Variants in DYM observed in about 807,000 individuals in gnomAD.
DYM encodes the protein dyggve-Melchior-Clausen syndrome protein.
In DYM, 78 loss-of-function variants were observed where a neutral mutation model predicts 93.1. That is an observed-to-expected ratio of 0.84 (90% CI 0.70 to 1.01). The LOEUF is 1.01. Ranked by LOEUF, DYM falls within the 50% of genes least tolerant of loss-of-function variation. DYM has a pLI of 0.00. For synonymous variants in DYM, 321 were observed against 319.7 expected, an observed-to-expected ratio of 1.00 and a Z score of -0.04; for missense variants, 789 against 845.0, an observed-to-expected ratio of 0.93 and a Z score of 0.82.
chr18:49,112,069 C>T (rs1274509164), intron 16 of DYM, among the ~76,000 whole-genome samples: 1 of 152,098 alleles, frequency 6.6e-6, no homozygotes, highest in East Asian at 1.9e-4. Flanking sequence ...GGGTCTCTAC[C>T]TATGCCCCGA....
chr18:49,046,084 GCA>G (rs76239241), intron 17 of DYM, among the ~76,000 whole-genome samples: 11 of 149,774 alleles, frequency 7.3e-5, no homozygotes, highest in African/African-American at 9.8e-5. Context: ...CTGCATGCGC[GCA>G]CACACACACA....
chr18:49,137,422 T>C (rs2083967450), intron 15 of DYM, among the ~76,000 whole-genome samples: 1 of 152,204 alleles, frequency 6.6e-6, no homozygotes, highest in South Asian at 2.1e-4. Context: ...TTTCTTTTCT[T>C]TTGTTAAGTA....
intron 6 of DYM, among the ~76,000 whole-genome samples, chr18:49,356,391 A>G (rs2065566080): frequency 1.3e-5 from 2 of 152,198 alleles, no homozygotes; most frequent in African/African-American, 4.8e-5. Context: ...TGAAAATACT[A>G]CAATCTTTGA....
intron 6 of DYM, among the ~76,000 whole-genome samples, chr18:49,335,471 A>G (rs922169124): frequency 2.0e-5 from 3 of 152,212 alleles, no homozygotes; most frequent in African/African-American, 7.2e-5. Context: ...AATAAAAATA[A>G]AAAATTTAAA....
chr18:49,366,447 G>A (rs901343690), intron 5 of DYM, among the ~76,000 whole-genome samples: 1 of 152,190 alleles, frequency 6.6e-6, no homozygotes, highest in African/African-American at 2.4e-5. Context: ...TTACTGTATT[G>A]TAAAGTTTTA....
intron 15 of DYM, among the ~76,000 whole-genome samples, chr18:49,159,085 A>T (rs916814117): frequency 6.6e-6 from 1 of 152,346 alleles, no homozygotes; most frequent in East Asian, 1.9e-4. Flanking sequence ...ATATGTATGT[A>T]TATCTTTGTA....
At chr18:49,350,806 G>A (rs1490219548) in intron 6 of DYM, among the ~76,000 whole-genome samples, 1 of 151,196 alleles carries the variant, frequency 6.6e-6, no homozygotes, top group Non-Finnish European at 1.5e-5. Context: ...AGACAGTAAG[G>A]GTCCAAAGTG....
rs140774908 is a variant in DYM at position 49,358,266 on chromosome 18, A to C, written c.494+4895T>G. On this transcript the variant is annotated intron_variant, in intron 6 of 17. Transcript: ENST00000675505. ...TAGGGTAGTCAGGGTGGCCATTTCT[A>C]AAGAAACAAAACCTGAAGCAGATGA... 2.6e-3 allele frequency among the ~76,000 whole-genome samples: 393 copies of C among 152,360 alleles called. 7 individuals carry two copies. The highest frequency in any genetic ancestry group is 1.9e-3 in the Non-Finnish European group (128 of 68,038).
chr18:49,292,593 A>G (rs111260717), intron 8 of DYM, among the ~76,000 whole-genome samples: 15 of 1,588 alleles, frequency 9.4e-3, no homozygotes, highest in African/African-American at 0.015. Flanking sequence ...TTCCTGTTGG[A>G]AAAAAAAAAA....
rs147948181 is a variant in DYM at position 49,117,540 on chromosome 18, T to A, written c.1911+1204A>T. ...GTTAGTTTTTCTATTGAGTTATTTA[T>A]CTATTATTAATATATATTTTATTGT... On this transcript the variant is annotated intron_variant, in intron 16 of 17. Coordinates refer to ENST00000675505, the MANE Select transcript of DYM (RefSeq NM_001353214.3). Among the ~76,000 whole-genome samples, 154 of 152,266 alleles carry A rather than the reference T, an allele frequency of 1.0e-3. 3 individuals carry two copies. In the East Asian group the frequency reaches 0.024, roughly 23 times the overall value.
At chr18:49,355,453 T>C (rs972398962) in intron 6 of DYM, among the ~76,000 whole-genome samples, 62 of 152,128 alleles carry the variant, frequency 4.1e-4, no homozygotes, top group Middle Eastern at 6.8e-3. Flanking sequence ...GATCAACACA[T>C]TGACAGATAC....
chr18:49,103,335 G>T (rs1242547818), intron 16 of DYM, among the ~76,000 whole-genome samples: 1 of 152,140 alleles, frequency 6.6e-6, no homozygotes, highest in Non-Finnish European at 1.5e-5. Context: ...TGGGTAGATG[G>T]CAAAAATTTT....
In DYM at chr18:49,108,897, T is replaced by A. The variant is rs975887623; in HGVS notation, c.1911+9847A>T. Among the ~76,000 whole-genome samples, 7 of 152,354 alleles carry A rather than the reference T, an allele frequency of 4.6e-5. 1 individual carries two copies. In the South Asian group the frequency reaches 6.2e-4, roughly 14 times the overall value. On this transcript the variant is annotated intron_variant, in intron 16 of 17. Transcript: ENST00000675505. ...TCATGCATTTCGAAGCTCTGTTGTA[T>A]ACACATTTATGGTTGTTACGTCTCC...
chr18:49,452,969 A>G (rs1295634263), intron 1 of DYM, among the ~76,000 whole-genome samples: 1 of 128,380 alleles, frequency 7.8e-6, no homozygotes, highest in African/African-American at 3.1e-5. Context: ...ACCAATCGGC[A>G]CTCTGTATCT....
At chr18:49,315,371 A>G (rs567855549) in intron 8 of DYM, among the ~76,000 whole-genome samples, 52 of 152,290 alleles carry the variant, frequency 3.4e-4, no homozygotes, top group Admixed American at 3.4e-3. Context: ...CGGGTATGGG[A>G]GGAAAAATAG....
In DYM at chr18:49,362,156, G is replaced by A. The variant is rs187157456; in HGVS notation, c.494+1005C>T. ...GCTGGGATTACAGGCGTGAGACACT[G>A]CACCTGGCCAATACTTTTTTTTAAA... On this transcript the variant is annotated intron_variant, in intron 6 of 17. Transcript: ENST00000675505. Among the ~76,000 whole-genome samples the A allele has an allele frequency of 5.2e-3, 791 of 151,736 alleles. 26 individuals are homozygous for A. The South Asian group carries it at 0.076, about 15-fold the overall frequency.
At chr18:49,417,198 C>T (rs561358016) in intron 2 of DYM, among the ~76,000 whole-genome samples, 32 of 151,818 alleles carry the variant, frequency 2.1e-4, no homozygotes, top group Middle Eastern at 3.4e-3. Flanking sequence ...CCCAGGCTGG[C>T]GAAAGCATTG....
intron 3 of DYM, among the ~76,000 whole-genome samples, chr18:49,385,947 A>T (rs2147806750): frequency 6.6e-6 from 1 of 152,198 alleles, no homozygotes; most frequent in South Asian, 2.1e-4. Flanking sequence ...CATCTAAGAG[A>T]TGCATGCCAC....
chr18:49,110,861 T>C (rs754758154), intron 16 of DYM, among the ~76,000 whole-genome samples: 4 of 152,204 alleles, frequency 2.6e-5, no homozygotes, highest in Non-Finnish European at 4.4e-5. Context: ...TATCGTCCTA[T>C]AGCTCTTGGA....
Sources: allele counts gnomAD v4.1 joint callset (sites outside exome capture counted in the v4.1 genomes callset), GRCh38; gene constraint gnomAD v4.1.1; transcripts MANE v1.5; gene names NCBI Gene and HGNC (gene_info 2026-07-23, HGNC 2026-07-21).